Variants in GRM8 observed in about 807,000 individuals in gnomAD.
GRM8 encodes metabotropic glutamate receptor 8.
A neutral mutation model predicts 87.2 loss-of-function variants in GRM8; 47 were observed. The ratio of observed to expected loss-of-function variants is 0.54; its 90% CI spans 0.43 to 0.69. GRM8 has a LOEUF of 0.69. Among genes scored for constraint, GRM8 ranks in the 30% least tolerant of loss-of-function variants. The pLI is 0.00. For missense variants in GRM8, 1,019 were observed against 1,139.2 expected, an observed-to-expected ratio of 0.89 and a Z score of 1.52; for synonymous variants, 396 against 404.5, an observed-to-expected ratio of 0.98 and a Z score of 0.25.
chr7:126,779,774 T>C (rs1819869402), intron 6 of GRM8, among the ~76,000 whole-genome samples: 1 of 152,188 alleles, frequency 6.6e-6, no homozygotes, highest in Non-Finnish European at 1.5e-5. Flanking sequence ...ATACTCAACG[T>C]TTTTCTCTCA....
At chr7:126,768,959 C>T (rs1193636805) in intron 7 of GRM8, among the ~76,000 whole-genome samples, 1 of 124,390 alleles carries the variant, frequency 8.0e-6, no homozygotes, top group Non-Finnish European at 1.7e-5. Context: ...GAAGTTTCCA[C>T]TTGAATTCTA....
At chr7:126,934,575 G>T (rs1806095092) in intron 3 of GRM8, among the ~76,000 whole-genome samples, 1 of 152,170 alleles carries the variant, frequency 6.6e-6, no homozygotes, top group Admixed American at 6.5e-5. Context: ...CTTTGTACCT[G>T]TAGTTAGGGT....
At chr7:126,832,585 C>T (rs750643424) in intron 6 of GRM8, among the ~76,000 whole-genome samples, 1 of 152,148 alleles carries the variant, frequency 6.6e-6, no homozygotes, top group Non-Finnish European at 1.5e-5. Context: ...TAGACTTACA[C>T]ATTATGTCAT....
chr7:126,829,133 A>G (rs1204408163), intron 6 of GRM8, among the ~76,000 whole-genome samples: 5 of 150,748 alleles, frequency 3.3e-5, no homozygotes, highest in African/African-American at 1.2e-4. Context: ...TATGCGGTCA[A>G]TTTTGGAATA....
At chr7:127,147,351 C>T (rs979449870) in intron 2 of GRM8, among the ~76,000 whole-genome samples, 1 of 152,030 alleles carries the variant, frequency 6.6e-6, no homozygotes, top group African/African-American at 2.4e-5. Context: ...TGACAGGCCC[C>T]ACTGATAGAG....
intron 3 of GRM8, among the ~76,000 whole-genome samples, chr7:127,099,943 T>G (rs1825060615): frequency 6.6e-6 from 1 of 152,078 alleles, no homozygotes; most frequent in Non-Finnish European, 1.5e-5. Flanking sequence ...TTCATTTTTA[T>G]AAGAAGAGAA....
intron 2 of GRM8, among the ~76,000 whole-genome samples, chr7:127,160,527 A>ACGCGCG (rs35464826): frequency 6.7e-6 from 1 of 149,768 alleles, no homozygotes; most frequent in Non-Finnish European, 1.5e-5. Context: ...AGGCTCCATC[A>ACGCGCG]CGCGCGCGCA....
chr7:126,583,564 G>C (rs1795820709), intron 8 of GRM8, among the ~76,000 whole-genome samples: 1 of 152,064 alleles, frequency 6.6e-6, no homozygotes, highest in Non-Finnish European at 1.5e-5. Flanking sequence ...ATATTAACAA[G>C]AGTTTGGAAG....
intron 7 of GRM8, among the ~76,000 whole-genome samples, chr7:126,714,950 A>C (rs1811557723): frequency 6.6e-6 from 1 of 152,206 alleles, no homozygotes; most frequent in African/African-American, 2.4e-5. Flanking sequence ...TCGATATCAT[A>C]AGTGTATGTC....
intron 6 of GRM8, among the ~76,000 whole-genome samples, chr7:126,881,126 A>G (rs1370477269): frequency 1.3e-5 from 2 of 151,042 alleles, no homozygotes; most frequent in Admixed American, 1.3e-4. Flanking sequence ...AGGGTCCCAG[A>G]AAAAAAAATA....
chr7:127,095,794 T>C (rs1336259441), intron 3 of GRM8: 1 of 152,160 alleles, frequency 6.6e-6, no homozygotes, highest in Non-Finnish European at 1.5e-5. Context: ...ATGCCTCCAT[T>C]GAGGCAAAGA....
Position 127,106,695 on chromosome 7 carries a change from A to G in GRM8, c.528T>C (p.Tyr176=), listed in dbSNP as rs763416330. ...CACTTAGCTCTGGGGCTGTGGATGC[A>G]TAGCTGATTTGAGGTATCTGCAAAA... ...LRLFKIPQIS[Y]ASTAPELSDN... Residue 176 remains tyrosine (Y), a synonymous_variant, in exon 3 of 11, where the codon TAT becomes TAC. Transcript: ENST00000339582. The G allele has an allele frequency of 1.1e-5, 18 of 1,612,546 alleles. No homozygotes were observed. Among genetic ancestry groups the G allele is most frequent in the Non-Finnish European group, 1.5e-5 (18 of 1,178,690 alleles).
chr7:126,971,275 G>A (rs1204591), intron 3 of GRM8, among the ~76,000 whole-genome samples: 109,943 of 151,754 alleles, frequency 0.72, 39,961 homozygotes, highest in East Asian at 0.96. Context: ...AGAGATCCAG[G>A]CCAGTTTATA....
At chr7:126,612,468 A>G (rs1383477565) in intron 7 of GRM8, among the ~76,000 whole-genome samples, 2 of 152,052 alleles carry the variant, frequency 1.3e-5, no homozygotes, top group East Asian at 3.9e-4. Flanking sequence ...AGGGTCATGC[A>G]CTTACAGAAG....
chr7:127,183,268 G>A (rs1794568373), intron 2 of GRM8, among the ~76,000 whole-genome samples: 1 of 151,684 alleles, frequency 6.6e-6, no homozygotes, highest in Admixed American at 6.6e-5. Context: ...AAGCTCACAT[G>A]GAATACTAAC....
chr7:127,017,845 C>T (rs953877489), intron 3 of GRM8, among the ~76,000 whole-genome samples: 2 of 151,766 alleles, frequency 1.3e-5, no homozygotes, highest in Non-Finnish European at 2.9e-5. Context: ...AACGAAAATA[C>T]TTAAATAATG....
intron 9 of GRM8, among the ~76,000 whole-genome samples, chr7:126,483,038 T>C (rs946974860): frequency 6.7e-6 from 1 of 149,392 alleles, no homozygotes; most frequent in Non-Finnish European, 1.5e-5. Context: ...CTTATTTTAG[T>C]TACATATATA....
chr7:126,524,042 T>C (rs897194282), intron 9 of GRM8, among the ~76,000 whole-genome samples: 39 of 152,298 alleles, frequency 2.6e-4, no homozygotes, highest in African/African-American at 9.1e-4. Context: ...TCAGGTAGCA[T>C]AACTGGACTT....
intron 7 of GRM8, among the ~76,000 whole-genome samples, chr7:126,645,837 A>G (rs1246674586): frequency 1.3e-5 from 2 of 152,144 alleles, no homozygotes; most frequent in Non-Finnish European, 2.9e-5. Flanking sequence ...CGGCTCAACA[A>G]ATAGTGCCCC....
Sources: allele counts gnomAD v4.1 joint callset (sites outside exome capture counted in the v4.1 genomes callset), GRCh38; gene constraint gnomAD v4.1.1; transcripts MANE v1.5; gene names NCBI Gene and HGNC (gene_info 2026-07-23, HGNC 2026-07-21).